NOC3L: variants seen among roughly 807,000 people sequenced by gnomAD.
NOC3L encodes the protein nucleolar complex protein 3 homolog.
NOC3L carries 85 observed loss-of-function variants against 102.5 expected under a neutral mutation model. The observed-to-expected ratio is 0.83, with a 90% CI of 0.70 to 0.99. The LOEUF (loss-of-function observed/expected upper bound fraction) is 0.99, where lower values mean the gene tolerates loss of function less well. NOC3L is among the 50% of genes least tolerant of loss of function. The pLI, the probability that NOC3L is intolerant of heterozygous loss-of-function variation, is 0.00. For synonymous variants in NOC3L, 303 were observed against 309.4 expected (o/e 0.98, Z 0.22); for missense variants, 878 against 914.9 (o/e 0.96, Z 0.52).
intron 17 of NOC3L, among the ~76,000 whole-genome samples, 183 bp downstream of exon 17, chr10:94,339,556 G>C (rs1257148273): frequency 1.3e-5 from 2 of 152,224 alleles, no homozygotes; most frequent in East Asian, 3.9e-4. Context: ...ACACTGAGAA[G>C]TGTCAATAGG....
chr10:94,357,506 A>T (rs2054502773), intron 3 of NOC3L, 175 bp from the exon 4 acceptor site: 1 of 415,012 alleles, frequency 2.4e-6, no homozygotes, highest in South Asian at 1.0e-4. Flanking sequence ...AATGAATAAA[A>T]GAAATGGGTA....
At chr10:94,320,905 G>C in the NOC3L span, among the ~76,000 whole-genome samples, 1 of 152,184 alleles carries the variant, frequency 6.6e-6, no homozygotes, top group Non-Finnish European at 1.5e-5. Context: ...CAATGACAGT[G>C]GGGTATTTTG....
At chr10:94,316,536 T>C in the NOC3L span, 2 of 1,593,748 alleles carry the variant, frequency 1.3e-6, no homozygotes, top group East Asian at 2.2e-5. Context: ...TTGCCTTCAC[T>C]TTTTCTTTAG....
At position 94,361,681 on chromosome 10, in the gene NOC3L, T is replaced by G. The variant is rs1266131539; in HGVS notation, c.201A>C (p.Pro67=). The change falls in exon 2 of 21, where the codon CCA becomes CCC. Residue 67 remains proline, a synonymous_variant. Transcript: ENST00000371361. Reference sequence around the variant, plus strand: ...CACAATTACCTGGTCGCTTTTCCTTTGGGTTCTCCAATGGAATGGGTTTCT... The same window carrying G: ...CACAATTACCTGGTCGCTTTTCCTTGGGGTTCTCCAATGGAATGGGTTTCT... The part of the protein sequence containing the change: ...VSKKPIPLEN[P]KEKRPGKRIE... 1 of 1,613,960 alleles carries G rather than the reference T, an allele frequency of 6.2e-7. No homozygotes were observed. Among genetic ancestry groups the G allele is most frequent in the Non-Finnish European group, 8.5e-7 (1 of 1,179,966 alleles).
At chr10:94,324,800 G>A in the NOC3L span, 2 of 1,303,198 alleles carry the variant, frequency 1.5e-6, no homozygotes, top group Middle Eastern at 1.8e-4. Context: ...AAGCTCTAGA[G>A]AGAAGAGGAA....
chr10:94,340,255 A>T, intron 16 of NOC3L, 21 bp downstream of exon 16: 2 of 1,573,854 alleles, frequency 1.3e-6, no homozygotes, highest in Non-Finnish European at 1.7e-6. Context: ...TATAAAAGAA[A>T]CATTATCTAA....
rs577355615 is a variant in NOC3L at position 94,355,201 on chromosome 10, T to C, written c.566-108A>G. ...ATAATAATGACAACAGCTAAGAATT[T>C]TGTATTTACTACTACACATCATCTC... On this transcript the variant is annotated intron_variant, in intron 5 of 20. Transcript: ENST00000371361. 93 of 923,136 alleles carry C rather than the reference T, an allele frequency of 1.0e-4. 1 individual carries two copies. The East Asian group carries it at 2.4e-3, about 24-fold the overall frequency. The allele number at this position is 923,136 out of a possible 1,614,324, so 57.2% of individuals were successfully genotyped here.
intron 1 of NOC3L, 152 bp downstream of exon 1, chr10:94,362,678 G>T: frequency 2.6e-6 from 2 of 775,512 alleles, no homozygotes; most frequent in African/African-American, 1.7e-5. Flanking sequence ...GGGTAACCAA[G>T]GATGAGCTCG....
Position 94,350,163 on chromosome 10 carries a change from T to C in NOC3L, c.1078A>G (p.Asn360Asp). 1 of 1,614,194 alleles carries C rather than the reference T, an allele frequency of 6.2e-7. No individual in the cohort carries two copies. The highest frequency in any genetic ancestry group is 8.5e-7 in the Non-Finnish European group (1 of 1,180,034). Reference protein sequence around the residue: ...LVALPHFNFHNNIIVLIVPLM... With the variant: ...LVALPHFNFHDNIIVLIVPLM... ...GGGACAATCAATACGATGATGTTGT[T>C]GTGAAAGTTAAAATGAGGTAGTGCC... The change falls in exon 9 of 21, where the codon AAC (asparagine) becomes GAC (aspartate). Residue 360 changes from asparagine to aspartate, a missense_variant. Coordinates refer to ENST00000371361, the MANE Select transcript of NOC3L (RefSeq NM_022451.11).
At chr10:94,353,228 A>G (rs2054443101) in intron 6 of NOC3L, among the ~76,000 whole-genome samples, 171 bp from the exon 7 acceptor site, 1 of 152,342 alleles carries the variant, frequency 6.6e-6, no homozygotes, top group East Asian at 1.9e-4. Context: ...ATAAGTCACT[A>G]AAGTCATAAA....
At chr10:94,361,485 T>C in intron 2 of NOC3L, 180 bp downstream of exon 2, 1 of 592,914 alleles carries the variant, frequency 1.7e-6, no homozygotes, top group Non-Finnish European at 3.0e-6. Flanking sequence ...AAATGTTTTC[T>C]CATACTGACT....
rs760157979 is a variant in NOC3L, at chr10:94,362,857, T to C, written c.-19A>G. On this transcript the variant is annotated 5_prime_UTR_variant, in exon 1 of 21. Coordinates refer to ENST00000371361, the MANE Select transcript of NOC3L (RefSeq NM_022451.11). Reference sequence around the variant, plus strand: ...CCTTCATCCTTAGGCCTTAAATGAATGCCGGCCAGACAAGTTCACCAGAAG... The same window carrying C: ...CCTTCATCCTTAGGCCTTAAATGAACGCCGGCCAGACAAGTTCACCAGAAG... 18 of 1,613,850 alleles carry C rather than the reference T, an allele frequency of 1.1e-5. No individual in the cohort carries two copies. Among genetic ancestry groups the C allele is most frequent in the Middle Eastern group, 1.6e-4 (1 of 6,084 alleles).
intron 12 of NOC3L, 53 bp from the exon 13 acceptor site, chr10:94,344,568 C>A: frequency 3.2e-6 from 4 of 1,241,356 alleles, no homozygotes; most frequent in Non-Finnish European, 4.7e-6. Context: ...ATGCTTTCTC[C>A]TGAGTGAGCA....
chr10:94,334,729 AAC>A lies in NOC3L; in HGVS notation c.2190-13_2190-12del, dbSNP rs2054197961. On this transcript the variant is annotated splice_polypyrimidine_tract_variant and intron_variant, in intron 19 of 20. Transcript: ENST00000371361. Reference sequence around the variant, plus strand: ...AGTTCAGTAGCAGATCTAAATCACAAACACAAAAAATGTAAAGATACCACCAC... The same window carrying A: ...AGTTCAGTAGCAGATCTAAATCACAAACAAAAAATGTAAAGATACCACCAC... 6.3e-7 allele frequency: 1 copy of A among 1,591,850 alleles called. No homozygotes were observed. The highest frequency in any genetic ancestry group is 1.3e-5 in the African/African-American group (1 of 74,300).
At chr10:94,322,555 C>T in the NOC3L span, among the ~76,000 whole-genome samples, 19 of 151,966 alleles carry the variant, frequency 1.3e-4, no homozygotes, top group Non-Finnish European at 2.1e-4. Flanking sequence ...GGGGCCAAGG[C>T]GGGTGGATTG....
intron 10 of NOC3L, 37 bp from the exon 11 acceptor site, chr10:94,346,593 T>C (rs754868932): frequency 8.5e-7 from 1 of 1,174,926 alleles, no homozygotes; most frequent in South Asian, 1.8e-5. Context: ...TACAGCTTAA[T>C]ATTTATATTG....
chr10:94,340,568 A>T (rs1445323881), intron 14 of NOC3L, 72 bp from the exon 15 acceptor site: 5 of 1,329,940 alleles, frequency 3.8e-6, no homozygotes, highest in Non-Finnish European at 5.3e-6. Context: ...TAGCTTTAAA[A>T]AAGAACTTTA....
intron 10 of NOC3L, among the ~76,000 whole-genome samples, chr10:94,347,243 G>C (rs1319355477): frequency 6.6e-6 from 1 of 152,114 alleles, no homozygotes; most frequent in Non-Finnish European, 1.5e-5. Context: ...ATGCACATTT[G>C]GAAGAAAGCT....
chr10:94,332,250 T>C (rs890095065), downstream of NOC3L: 4 of 152,200 alleles, frequency 2.6e-5, no homozygotes, highest in African/African-American at 9.7e-5. Context: ...ACCTTCCCTA[T>C]TGCAGATGAC....
Sources: allele counts gnomAD v4.1 joint callset (sites outside exome capture counted in the v4.1 genomes callset), GRCh38; gene constraint gnomAD v4.1.1; transcripts MANE v1.5; gene names NCBI Gene and HGNC (gene_info 2026-07-23, HGNC 2026-07-21).